S100Z: variants seen among roughly 807,000 people sequenced by gnomAD.
The protein encoded by S100Z is S100 calcium binding protein Z, also known as protein S100-Z.
A neutral mutation model predicts 8.5 loss-of-function variants in S100Z; 11 were observed. The observed-to-expected ratio is 1.30, with a 90% confidence interval of 0.82 to 2.15. The LOEUF (loss-of-function observed/expected upper bound fraction) is 2.15, where lower values mean the gene tolerates loss of function less well. Ranked by LOEUF, S100Z falls within the 30% of genes most tolerant of loss-of-function variation. S100Z has a pLI of 0.00. For synonymous variants in S100Z, 34 were observed against 43.8 expected (o/e 0.78, Z 0.89); for missense variants, 126 against 117.9 (o/e 1.07, Z -0.32).
intron 1 of S100Z, among the ~76,000 whole-genome samples, chr5:76,865,905 C>G (rs1395492826): frequency 6.6e-6 from 1 of 150,934 alleles, no homozygotes; most frequent in Non-Finnish European, 1.5e-5. Flanking sequence ...ATCCCAGCTA[C>G]TCAGGAGGCT....
the S100Z span, among the ~76,000 whole-genome samples, chr5:76,928,398 A>G: frequency 6.6e-6 from 1 of 152,228 alleles, no homozygotes; most frequent in Non-Finnish European, 1.5e-5. Context: ...ACATTTTGAA[A>G]ATTAGATAAT....
At chr5:76,854,321 G>A (rs974008865) in intron 1 of S100Z, among the ~76,000 whole-genome samples, 7 of 152,168 alleles carry the variant, frequency 4.6e-5, no homozygotes, top group Non-Finnish European at 8.8e-5. Flanking sequence ...GGGAAAGTTT[G>A]GAACTTCCTA....
chr5:76,890,932 G>T (rs772004289), intron 4 of S100Z, among the ~76,000 whole-genome samples: 1 of 152,082 alleles, frequency 6.6e-6, no homozygotes, highest in Non-Finnish European at 1.5e-5. Flanking sequence ...GCACAGTCTC[G>T]GCTCACTGCA....
At chr5:76,883,667 A>G (rs528899497) in intron 4 of S100Z, among the ~76,000 whole-genome samples, 23 of 152,306 alleles carry the variant, frequency 1.5e-4, no homozygotes, top group African/African-American at 5.5e-4. Flanking sequence ...AGCTGAGAAT[A>G]TCTGGGAATG....
rs116795271 is a variant in S100Z, at chr5:76,872,346, G to A, written c.-57+2062G>A. ...TCCCTGGGCCGTGGTCACTCATATCGGCTCAAAATAAACCTCTTTAAGTAT... is the reference window on the plus strand; with the variant it reads ...TCCCTGGGCCGTGGTCACTCATATCAGCTCAAAATAAACCTCTTTAAGTAT... On this transcript the variant is annotated intron_variant, in intron 2 of 4. Coordinates refer to ENST00000317593, the MANE Select transcript of S100Z (RefSeq NM_130772.4). 4.1e-3 allele frequency among the ~76,000 whole-genome samples: 627 copies of A among 152,026 alleles called. 7 individuals are homozygous for A. Among genetic ancestry groups the A allele is most frequent in the African/African-American group, 0.014 (596 of 41,462 alleles).
chr5:76,854,034 G>A (rs967287780), intron 1 of S100Z, among the ~76,000 whole-genome samples: 3 of 152,110 alleles, frequency 2.0e-5, no homozygotes, highest in African/African-American at 7.2e-5. Context: ...TGCCATGATC[G>A]AAAGTTTCCT....
intron 4 of S100Z, among the ~76,000 whole-genome samples, chr5:76,886,848 A>G (rs1298542073): frequency 3.3e-5 from 5 of 152,204 alleles, no homozygotes; most frequent in Non-Finnish European, 5.9e-5. Context: ...GGGCGATTAC[A>G]AAGTACATTG....
chr5:76,850,629 C>T (rs1421780979), intron 1 of S100Z, among the ~76,000 whole-genome samples: 1 of 152,102 alleles, frequency 6.6e-6, no homozygotes, highest in Admixed American at 6.6e-5. Flanking sequence ...AAGCCCACTC[C>T]CAGGAAGTCA....
At chr5:76,859,498 C>T (rs950384811) in intron 1 of S100Z, among the ~76,000 whole-genome samples, 5 of 151,864 alleles carry the variant, frequency 3.3e-5, no homozygotes, top group Admixed American at 6.6e-5. Context: ...TGAGAAGCCT[C>T]GGCCGGGGGC....
chr5:76,920,053 G>T (rs575654627), intron 4 of S100Z, among the ~76,000 whole-genome samples: 1 of 151,938 alleles, frequency 6.6e-6, no homozygotes, highest in Admixed American at 6.6e-5. Context: ...GGGATTACAG[G>T]TGCCCACCAC....
chr5:76,889,912 G>C (rs1453441979), intron 4 of S100Z, among the ~76,000 whole-genome samples: 1 of 152,264 alleles, frequency 6.6e-6, no homozygotes, highest in African/African-American at 2.4e-5. Context: ...ATTAGATAGA[G>C]CAGCTTATGG....
chr5:76,852,175 C>T (rs1372788004), intron 1 of S100Z, among the ~76,000 whole-genome samples: 1 of 152,178 alleles, frequency 6.6e-6, no homozygotes, highest in Non-Finnish European at 1.5e-5. Context: ...TCCAATTTCC[C>T]ACTGGCCTCC....
chr5:76,914,797 T>A (rs1561251492), intron 4 of S100Z, among the ~76,000 whole-genome samples: 2 of 152,102 alleles, frequency 1.3e-5, no homozygotes, highest in Non-Finnish European at 2.9e-5. Context: ...ACGCACCACC[T>A]TTAAGAGCTG....
the S100Z span, among the ~76,000 whole-genome samples, chr5:76,950,733 A>AT: frequency 1.3e-5 from 2 of 152,208 alleles, no homozygotes; most frequent in Non-Finnish European, 2.9e-5. Flanking sequence ...CCCAGAACAT[A>AT]TTTAAAAAAA....
At chr5:76,916,646 T>A (rs1744863464) in intron 4 of S100Z, among the ~76,000 whole-genome samples, 1 of 151,338 alleles carries the variant, frequency 6.6e-6, no homozygotes, top group Non-Finnish European at 1.5e-5. Flanking sequence ...AACATGAAAA[T>A]TTTTAAACAC....
chr5:76,898,363 G>A (rs113375374), intron 4 of S100Z, among the ~76,000 whole-genome samples: 3,546 of 152,002 alleles, frequency 0.023, 85 homozygotes, highest in African/African-American at 0.06. Context: ...TGGTCAGGCC[G>A]GTCTTGAACT....
intron 4 of S100Z, among the ~76,000 whole-genome samples, chr5:76,885,850 G>A (rs935777037): frequency 6.7e-6 from 1 of 149,662 alleles, no homozygotes; most frequent in Admixed American, 6.6e-5. Flanking sequence ...GAGAAGGGGT[G>A]GGGGGTGCTT....
At chr5:76,879,528 A>G (rs1036429379) in intron 4 of S100Z, among the ~76,000 whole-genome samples, 1 of 152,210 alleles carries the variant, frequency 6.6e-6, no homozygotes, top group African/African-American at 2.4e-5. Context: ...TTAAGGTGGT[A>G]TTGGACATCC....
chr5:76,889,407 A>G (rs1445903895), intron 4 of S100Z, among the ~76,000 whole-genome samples: 1 of 152,250 alleles, frequency 6.6e-6, no homozygotes, highest in Non-Finnish European at 1.5e-5. Flanking sequence ...TTTGTTTTTT[A>G]CAAGTTAATA....
Sources: gnomAD v4.1 joint callset for allele counts (sites outside exome capture counted in the v4.1 genomes callset) on GRCh38, gnomAD v4.1.1 for gene constraint, MANE v1.5 for transcripts, NCBI Gene and HGNC (gene_info 2026-07-23, HGNC 2026-07-21) for gene names.